The following NEK6 variants were observed in gnomAD, a reference collection of about 807,000 sequenced individuals.
NEK6 encodes serine/threonine-protein kinase Nek6.
NEK6 carries 27 observed loss-of-function variants against 43.5 expected under a neutral mutation model. The ratio of observed to expected loss-of-function variants is 0.62; its 90% CI spans 0.46 to 0.86. The LOEUF is 0.86. Ranked by LOEUF, NEK6 falls within the 40% of genes least tolerant of loss-of-function variation. NEK6 has a pLI of 0.00. For synonymous variants in NEK6, 167 were observed against 164.1 expected, an observed-to-expected ratio of 1.02 and a Z score of -0.14; for missense variants, 318 against 414.4, an observed-to-expected ratio of 0.77 and a Z score of 2.02.
chr9:124,320,557 G>T (rs2130910241), intron 4 of NEK6, among the ~76,000 whole-genome samples: 1 of 152,330 alleles, frequency 6.6e-6, no homozygotes. Flanking sequence ...GGATATTCGA[G>T]TCCCCTCTGC....
At position 124,324,868 on chromosome 9, in the gene NEK6, G is replaced by C. The variant is rs940767029; in HGVS notation, c.406-1462G>C. On this transcript the variant is annotated intron_variant, in intron 5 of 9. Transcript: ENST00000320246. This position sits in a 1 kb window ranked among gnomAD's most constrained non-coding sequence, Gnocchi z 5.3. ...TCAGTCTCCCATATCAATGGTTACT[G>C]GTGTTATTAGAAGTGGGCTAAGGGG... Among the ~76,000 whole-genome samples, 7 of 152,154 alleles carry C rather than the reference G, an allele frequency of 4.6e-5. No individual in the cohort carries two copies. Among genetic ancestry groups the C allele is most frequent in the African/African-American group, 1.7e-4 (7 of 41,432 alleles).
chr9:124,292,559 C>G (rs376954816), intron 1 of NEK6: 1 of 1,536,792 alleles, frequency 6.5e-7, no homozygotes, highest in East Asian at 2.4e-5. Context: ...TTACAAACAC[C>G]GAAGCCCTCC....
chr9:124,271,304 G>C (rs758901697), intron 1 of NEK6, among the ~76,000 whole-genome samples: 2 of 152,230 alleles, frequency 1.3e-5, no homozygotes, highest in African/African-American at 4.8e-5. Context: ...CGCCAAACAC[G>C]TGGTGCCCCA....
rs1236723060 is a variant in NEK6 at position 124,343,516 on chromosome 9, C to G, written c.717+3851C>G. On this transcript the variant is annotated intron_variant, in intron 8 of 9. Transcript: ENST00000320246. This position sits in a 1 kb window ranked among gnomAD's most constrained non-coding sequence, Gnocchi z 5.1. ...ATCCAAGGGTAACGGGGCAGGGGCT[C>G]TGTGCCAAGTGACCCCCTCCCCACT... Among the ~76,000 whole-genome samples the G allele has an allele frequency of 6.6e-6, 1 of 152,156 alleles. No homozygotes were observed. The highest frequency in any genetic ancestry group is 6.5e-5 in the Admixed American group (1 of 15,284).
chr9:124,303,341 GGAA>G (rs1833091412), intron 2 of NEK6, among the ~76,000 whole-genome samples: 2 of 142,172 alleles, frequency 1.4e-5, no homozygotes, highest in South Asian at 5.3e-4. Flanking sequence ...AATCCCTCTT[GGAA>G]GACTTCAGAT....
At chr9:124,297,396 TGAA>T (rs1470327917) in intron 1 of NEK6, among the ~76,000 whole-genome samples, 2 of 152,178 alleles carry the variant, frequency 1.3e-5, no homozygotes, top group Non-Finnish European at 2.9e-5. Flanking sequence ...ATTTTCCAGA[TGAA>T]GAAACTGAGA....
upstream of NEK6, chr9:124,257,741 T>C: frequency 6.6e-7 from 1 of 1,523,204 alleles, no homozygotes; most frequent in Non-Finnish European, 8.8e-7. Context: ...GGCCTCAGTC[T>C]TCCCATCTCT....
At chr9:124,260,696 C>G (rs867106596) in intron 1 of NEK6, among the ~76,000 whole-genome samples, 1 of 152,316 alleles carries the variant, frequency 6.6e-6, no homozygotes, top group Non-Finnish European at 1.5e-5. Context: ...CCACCATGCC[C>G]GGCCATGTCC....
At chr9:124,257,649 A>AG, upstream of NEK6, 1 of 1,518,860 alleles carries the variant, frequency 6.6e-7, no homozygotes, top group Non-Finnish European at 8.8e-7. Flanking sequence ...CAGGAGTCCA[A>AG]GGGTTGGCTG....
chr9:124,296,513 A>G (rs985429585), intron 1 of NEK6, among the ~76,000 whole-genome samples: 8 of 152,226 alleles, frequency 5.3e-5, no homozygotes, highest in Non-Finnish European at 1.0e-4. Context: ...CCTGGTGGAC[A>G]TTAGATGACC....
At chr9:124,267,754 C>T (rs1831282817) in intron 1 of NEK6, among the ~76,000 whole-genome samples, 1 of 152,264 alleles carries the variant, frequency 6.6e-6, no homozygotes, top group Non-Finnish European at 1.5e-5. Context: ...CTGAGCACCA[C>T]ATGCCTTCTT....
At chr9:124,309,670 C>G (rs1240830527) in intron 2 of NEK6, among the ~76,000 whole-genome samples, 1 of 152,248 alleles carries the variant, frequency 6.6e-6, no homozygotes, top group Non-Finnish European at 1.5e-5. Flanking sequence ...CAGCTGGAAA[C>G]TAGCACATAG....
chr9:124,280,733 C>T (rs569916594), intron 1 of NEK6, among the ~76,000 whole-genome samples: 62 of 152,338 alleles, frequency 4.1e-4, no homozygotes, highest in Non-Finnish European at 6.9e-4. Flanking sequence ...GAGCTGGGGT[C>T]CTCAGCCTTG....
chr9:124,272,540 G>A (rs1213345283), intron 1 of NEK6, among the ~76,000 whole-genome samples: 9 of 152,346 alleles, frequency 5.9e-5, no homozygotes, highest in African/African-American at 7.2e-5. Context: ...GCTGCCTTTC[G>A]TGTGAGGTCC....
chr9:124,294,047 G>A (rs1051870922), intron 1 of NEK6, among the ~76,000 whole-genome samples: 2 of 152,180 alleles, frequency 1.3e-5, no homozygotes, highest in Admixed American at 1.3e-4. Context: ...GAGGGGACGG[G>A]ACTTCCCCAA....
At chr9:124,342,448 G>A (rs1022267956) in intron 8 of NEK6, among the ~76,000 whole-genome samples, 1 of 152,230 alleles carries the variant, frequency 6.6e-6, no homozygotes, top group African/African-American at 2.4e-5. Flanking sequence ...CTCCCGGGTG[G>A]GCCTCAGGTG....
rs1487188195 is a variant in NEK6 at position 124,257,962 on chromosome 9, C to CGGCGGA, written c.-152_-147dup. ...GGGCCCGCGCAGGCGGTGGCGGCGG[C>CGGCGGA]GGCGGAACCGAGCTGACGGGCGTGC... On this transcript the variant is annotated 5_prime_UTR_variant, in exon 1 of 10. Coordinates refer to ENST00000320246, the MANE Select transcript of NEK6 (RefSeq NM_014397.6). The CGGCGGA allele has an allele frequency of 5.1e-6, 5 of 978,328 alleles. No individual in the cohort carries two copies. The highest frequency in any genetic ancestry group is 6.0e-6 in the Non-Finnish European group (5 of 827,298). The allele number at this position is 978,328 out of a possible 1,614,324, so 60.6% of individuals were successfully genotyped here. A position where few individuals can be genotyped will look rare whatever the true frequency, so the allele number is the denominator to read the frequency against.
intron 7 of NEK6, among the ~76,000 whole-genome samples, chr9:124,336,433 C>T (rs1829292577): frequency 6.6e-6 from 1 of 152,170 alleles, no homozygotes; most frequent in African/African-American, 2.4e-5. Context: ...TTAAATGCTT[C>T]CTTCATGAAA....
At chr9:124,309,124 G>A (rs1481217291) in intron 2 of NEK6, among the ~76,000 whole-genome samples, 2 of 152,226 alleles carry the variant, frequency 1.3e-5, no homozygotes, top group Non-Finnish European at 2.9e-5. Flanking sequence ...GCCACCCTGG[G>A]GACAGCGTCC....
Sources: gnomAD v4.1 joint callset for allele counts (sites outside exome capture counted in the v4.1 genomes callset) on GRCh38, gnomAD v4.1.1 for gene constraint, Gnocchi (gnomAD v3.1) non-coding constraint, MANE v1.5 for transcripts, NCBI Gene and HGNC (gene_info 2026-07-23, HGNC 2026-07-21) for gene names.